MEI4: variants seen among roughly 807,000 people sequenced by gnomAD.
MEI4 encodes meiotic double-stranded break formation protein 4.
MEI4 carries 27 observed loss-of-function variants against 31.4 expected under a neutral mutation model. That is an observed-to-expected ratio of 0.86 (90% CI 0.63 to 1.19). The LOEUF (loss-of-function observed/expected upper bound fraction) is 1.19, where lower values mean the gene tolerates loss of function less well. MEI4 is among the 50% of genes most tolerant of loss of function. The pLI is 0.00. For synonymous variants in MEI4, 122 were observed against 145.4 expected (o/e 0.84, Z 1.16); for missense variants, 329 against 398.9 (o/e 0.82, Z 1.49).
chr6:77,838,384 C>T lies in MEI4; in HGVS notation c.900+9322C>T, dbSNP rs867890458. Among the ~76,000 whole-genome samples, 6 of 151,914 alleles carry T rather than the reference C, an allele frequency of 3.9e-5. No homozygotes were observed. The South Asian group carries it at 8.3e-4, about 21-fold the overall frequency. ...GTCTTTTCTGAATTTCATTGTGTGACGATGGCACTGAGCATCTGAAGGGGA... is the reference window on the plus strand; with the variant it reads ...GTCTTTTCTGAATTTCATTGTGTGATGATGGCACTGAGCATCTGAAGGGGA... On this transcript the variant is annotated intron_variant, in intron 4 of 4. Coordinates refer to ENST00000684080, the MANE Select transcript of MEI4 (RefSeq NM_001322247.2).
chr6:77,734,010 T>C (rs1243235381), intron 2 of MEI4, among the ~76,000 whole-genome samples: 2 of 152,092 alleles, frequency 1.3e-5, no homozygotes, highest in Non-Finnish European at 2.9e-5. Flanking sequence ...TTATAATTTC[T>C]TTTCTTTTAC....
intron 1 of MEI4, among the ~76,000 whole-genome samples, chr6:77,655,463 T>A (rs1418522625): frequency 6.6e-6 from 1 of 152,222 alleles, no homozygotes; most frequent in Non-Finnish European, 1.5e-5. Flanking sequence ...TGCAAATTTA[T>A]GGGAGAATAT....
chr6:77,825,791 CTG>C (rs1769932346), intron 3 of MEI4, among the ~76,000 whole-genome samples: 1 of 152,146 alleles, frequency 6.6e-6, no homozygotes, highest in South Asian at 2.1e-4. Context: ...CTCACAGTAT[CTG>C]TCTCTCTGGC....
intron 1 of MEI4, among the ~76,000 whole-genome samples, chr6:77,656,659 G>T (rs762724410): frequency 6.6e-6 from 1 of 152,006 alleles, no homozygotes; most frequent in Non-Finnish European, 1.5e-5. Flanking sequence ...TTTTCATAAC[G>T]GTGCATAAAA....
rs1395110242 is a variant in MEI4 at position 77,761,492 on chromosome 6, C to T, written c.595C>T (p.Arg199Cys). ...GCTGGATGGCCTGATCACTTTTTACCGTAATCCCAAACTTCCTTTTTCAAG... is the reference window on the plus strand; with the variant it reads ...GCTGGATGGCCTGATCACTTTTTACTGTAATCCCAAACTTCCTTTTTCAAG... ...QLLDGLITFY[R>C]NPKLPFSRFW... The change falls in exon 3 of 5, where the codon CGT becomes TGT. Residue 199 changes from arginine to cysteine, a missense_variant. Coordinates refer to ENST00000684080, the MANE Select transcript of MEI4 (RefSeq NM_001322247.2). 7.3e-6 allele frequency: 9 copies of T among 1,231,962 alleles called. No individual in the cohort carries two copies. The highest frequency in any genetic ancestry group is 4.2e-5 in the Admixed American group (1 of 23,688). 76.3% of individuals were successfully genotyped at this position (1,231,962 alleles called of 1,614,324 possible).
At chr6:77,678,245 T>C (rs1345004990) in intron 1 of MEI4, among the ~76,000 whole-genome samples, 2 of 152,188 alleles carry the variant, frequency 1.3e-5, no homozygotes, top group Non-Finnish European at 2.9e-5. Context: ...AAAAAACAGA[T>C]GTCCCTTCTG....
intron 2 of MEI4, among the ~76,000 whole-genome samples, chr6:77,754,034 A>G (rs1582105700): frequency 6.6e-6 from 1 of 152,188 alleles, no homozygotes; most frequent in Admixed American, 6.5e-5. Flanking sequence ...CTCACTCATA[A>G]GTGGGAGTTG....
In MEI4 at chr6:77,925,886, A is replaced by C. The variant is rs1562043263; in HGVS notation, c.*2540A>C. The C allele has an allele frequency of 6.6e-6, 1 of 150,742 alleles. No homozygotes were observed. Among genetic ancestry groups the C allele is most frequent in the Admixed American group, 6.7e-5 (1 of 15,018 alleles). The allele number at this position is 150,742 out of a possible 1,614,324, so 9.3% of individuals were successfully genotyped here. On this transcript the variant is annotated 3_prime_UTR_variant, in exon 5 of 5. Coordinates refer to ENST00000684080, the MANE Select transcript of MEI4 (RefSeq NM_001322247.2). ...TATACGATATGTATAATAAATACCA[A>C]ATAGCCAGGTACTTACCTAAGCATT...
chr6:77,874,831 G>T (rs902156975), intron 4 of MEI4, among the ~76,000 whole-genome samples: 3 of 152,120 alleles, frequency 2.0e-5, no homozygotes, highest in Non-Finnish European at 4.4e-5. Context: ...GTTGAATTTT[G>T]TCAAAGGCCT....
chr6:77,918,646 T>C (rs2127741629), intron 4 of MEI4, among the ~76,000 whole-genome samples: 1 of 152,090 alleles, frequency 6.6e-6, no homozygotes, highest in East Asian at 1.9e-4. Context: ...TGAAGTTGCT[T>C]ATCACCTTAA....
intron 4 of MEI4, among the ~76,000 whole-genome samples, chr6:77,829,429 A>G (rs933061393): frequency 6.6e-6 from 1 of 152,050 alleles, no homozygotes; most frequent in Non-Finnish European, 1.5e-5. Flanking sequence ...CTTAACCAGT[A>G]TTTTTCATTC....
intron 2 of MEI4, among the ~76,000 whole-genome samples, chr6:77,749,368 T>C (rs1767704314): frequency 6.6e-6 from 1 of 152,010 alleles, no homozygotes; most frequent in South Asian, 2.1e-4. Context: ...CTGAGAACCT[T>C]GATAAAAGGT....
intron 4 of MEI4, among the ~76,000 whole-genome samples, chr6:77,865,114 C>T (rs1057040904): frequency 1.3e-5 from 2 of 151,676 alleles, no homozygotes; most frequent in African/African-American, 4.9e-5. Context: ...CACTAAATGC[C>T]CACAAGAGAA....
At chr6:77,916,038 C>A (rs1416297187) in intron 4 of MEI4, among the ~76,000 whole-genome samples, 1 of 151,740 alleles carries the variant, frequency 6.6e-6, no homozygotes, top group Non-Finnish European at 1.5e-5. Flanking sequence ...TCTGCTTGAC[C>A]TAGTTGATTG....
At chr6:77,910,821 T>A (rs897811443) in intron 4 of MEI4, among the ~76,000 whole-genome samples, 2 of 151,976 alleles carry the variant, frequency 1.3e-5, no homozygotes, top group Admixed American at 6.6e-5. Context: ...CTATTTTTTG[T>A]TTTTTTGAGA....
chr6:77,680,475 G>A (rs571875339), intron 1 of MEI4, among the ~76,000 whole-genome samples: 22 of 152,160 alleles, frequency 1.4e-4, no homozygotes, highest in Non-Finnish European at 4.4e-5. Context: ...CTTATTCACA[G>A]AACCTGGAAA....
intron 4 of MEI4, among the ~76,000 whole-genome samples, chr6:77,899,363 A>G (rs1219558315): frequency 6.6e-6 from 1 of 152,054 alleles, no homozygotes; most frequent in East Asian, 1.9e-4. Flanking sequence ...TTACCAGAAA[A>G]TTATCTCATT....
intron 1 of MEI4, among the ~76,000 whole-genome samples, chr6:77,671,949 T>C (rs1017491331): frequency 6.6e-6 from 1 of 152,138 alleles, no homozygotes; most frequent in Non-Finnish European, 1.5e-5. Context: ...TAAAGTGGGT[T>C]GTGAAGTTAA....
At chr6:77,666,880 TGTGC>T (rs1554208080) in intron 1 of MEI4, among the ~76,000 whole-genome samples, 199 of 147,666 alleles carry the variant, frequency 1.3e-3, no homozygotes, top group Admixed American at 3.6e-3. Context: ...TGTGTGTGTG[TGTGC>T]GTGCGTGCGT....
Sources: gnomAD v4.1 joint callset for allele counts (sites outside exome capture counted in the v4.1 genomes callset) on GRCh38, gnomAD v4.1.1 for gene constraint, MANE v1.5 for transcripts, NCBI Gene and HGNC (gene_info 2026-07-23, HGNC 2026-07-21) for gene names.